The following GALNT12 variants were observed in gnomAD, a reference collection of about 807,000 sequenced individuals.
The protein encoded by GALNT12 is UDP-GalNAc:polypeptide N-acetylgalactosaminyltransferase 12.
Under a neutral mutation model 55.5 loss-of-function variants are expected in GALNT12, and 45 were observed. The observed-to-expected ratio is 0.81, with a 90% CI of 0.64 to 1.04. The LOEUF is 1.04. GALNT12 is among the 50% of genes least tolerant of loss of function. GALNT12 has a pLI of 0.00. For missense variants in GALNT12, 709 were observed against 754.8 expected, an observed-to-expected ratio of 0.94 and a Z score of 0.71; for synonymous variants, 304 against 312.2, an observed-to-expected ratio of 0.97 and a Z score of 0.28.
Position 98,807,692 on chromosome 9 carries a change from C to T in GALNT12, c.-7C>T, listed in dbSNP as rs1358562336. 10 of 1,134,972 alleles carry T rather than the reference C, an allele frequency of 8.8e-6. No homozygotes were observed. Among genetic ancestry groups the T allele is most frequent in the South Asian group, 3.5e-5 (1 of 28,214 alleles). 70.3% of individuals were successfully genotyped at this position (1,134,972 alleles called of 1,614,324 possible). On this transcript the variant is annotated 5_prime_UTR_variant, in exon 1 of 10. Coordinates refer to ENST00000375011, the MANE Select transcript of GALNT12 (RefSeq NM_024642.5). ...CGCGCAGATCGCTGGCTGCAGTTGGCGGGCGCATGTGGGGGCGCACGGCGC... is the reference window on the plus strand; with the variant it reads ...CGCGCAGATCGCTGGCTGCAGTTGGTGGGCGCATGTGGGGGCGCACGGCGC...
rs544327578 is a variant in GALNT12 at position 98,819,875 on chromosome 9, G to A, written c.372-3381G>A. Among the ~76,000 whole-genome samples, 4 of 152,304 alleles carry A rather than the reference G, an allele frequency of 2.6e-5. No homozygotes were observed. The East Asian group carries it at 7.7e-4, about 29-fold the overall frequency. On this transcript the variant is annotated intron_variant, in intron 1 of 9. Coordinates refer to ENST00000375011, the MANE Select transcript of GALNT12 (RefSeq NM_024642.5). ...ATCTCAGCCCAGTACATACTAGCAGGTGCTCTGTGAACTGACCAAGTCACT... is the reference window on the plus strand; with the variant it reads ...ATCTCAGCCCAGTACATACTAGCAGATGCTCTGTGAACTGACCAAGTCACT...
At chr9:98,844,564 C>G (rs185644549) in intron 8 of GALNT12, 14 of 287,246 alleles carry the variant, frequency 4.9e-5, no homozygotes, top group Middle Eastern at 2.5e-3. Flanking sequence ...GTTTCGTTAA[C>G]TGGTTCCCTG....
intron 2 of GALNT12, among the ~76,000 whole-genome samples, chr9:98,824,264 C>G (rs1835812008): frequency 6.6e-6 from 1 of 152,116 alleles, no homozygotes; most frequent in Non-Finnish European, 1.5e-5. Context: ...TGTGGTGGCT[C>G]CTTGGTGGAT....
In GALNT12 at chr9:98,848,760, G is replaced by A. The variant is rs1298864317; in HGVS notation, c.1606-192G>A. The A allele has an allele frequency of 2.9e-5, 19 of 661,394 alleles. No homozygotes were observed. The East Asian group carries it at 3.6e-4, about 13-fold the overall frequency. 41.0% of individuals were successfully genotyped at this position (661,394 alleles called of 1,614,324 possible). ...ACCATCGGTCCTGTGAGAGGCAAGCGGGACGCAGCCTGTACAAGCCTGGTG... is the reference window on the plus strand; with the variant it reads ...ACCATCGGTCCTGTGAGAGGCAAGCAGGACGCAGCCTGTACAAGCCTGGTG... On this transcript the variant is annotated intron_variant, in intron 9 of 9. Coordinates refer to ENST00000375011, the MANE Select transcript of GALNT12 (RefSeq NM_024642.5).
In GALNT12 at chr9:98,807,876, C is replaced by T. The variant is rs992673909; in HGVS notation, c.178C>T (p.Arg60Trp). ...PGPPRTPRPG[R>W]REPVMPRPPV... is the part of the protein sequence containing the mutation. ...ACCCCCGCGCACCCCGCGCCCCGGG[C>T]GGCGCGAGCCGGTCATGCCGCGGCC... The change falls in exon 1 of 10, where the codon CGG becomes TGG. Residue 60 changes from arginine to tryptophan, a missense_variant. Transcript: ENST00000375011. 9.6e-7 allele frequency: 1 copy of T among 1,040,588 alleles called. No individual in the cohort carries two copies. The highest frequency in any genetic ancestry group is 7.7e-5 in the East Asian group (1 of 12,990). 64.5% of individuals were successfully genotyped at this position (1,040,588 alleles called of 1,614,324 possible). A position where few individuals can be genotyped will look rare whatever the true frequency, so the allele number is the denominator to read the frequency against.
intron 9 of GALNT12, among the ~76,000 whole-genome samples, chr9:98,848,178 G>A (rs1189138407): frequency 6.6e-6 from 1 of 152,136 alleles, no homozygotes; most frequent in Non-Finnish European, 1.5e-5. Flanking sequence ...TACAAAACAT[G>A]AGTTTGGATT....
In GALNT12 at chr9:98,835,306, G is replaced by T; in HGVS notation, c.975G>T (p.Leu325=). The T allele has an allele frequency of 1.9e-6, 3 of 1,614,060 alleles. No individual in the cohort carries two copies. Residue 325 remains leucine (L), a synonymous_variant, in exon 5 of 10, where the codon CTG becomes CTT. Transcript: ENST00000375011. ...TGAGTAAGAAATATTTTGAATATCT[G>T]GGGTCTTATGATACAGGAATGGAAG... The part of the protein sequence containing the change: ...FAVSKKYFEY[L]GSYDTGMEVW...
chr9:98,837,617 A>G (rs985586170), intron 6 of GALNT12, among the ~76,000 whole-genome samples: 2 of 152,202 alleles, frequency 1.3e-5, no homozygotes, highest in African/African-American at 2.4e-5. Context: ...ACCTTCTTGC[A>G]TTTAGGAACA....
In GALNT12 at chr9:98,813,920, A is replaced by T. The variant is rs74339243; in HGVS notation, c.371+5851A>T. Among the ~76,000 whole-genome samples, 933 of 152,328 alleles carry T rather than the reference A, an allele frequency of 6.1e-3. 7 individuals carry two copies. The highest frequency in any genetic ancestry group is 0.021 in the African/African-American group (870 of 41,564). ...AGTAGAAGTCCTATATTCACTTTTT[A>T]AAAATAATTATTTTCTACACTAGAC... is the stretch of plus-strand genomic sequence containing the variant. On this transcript the variant is annotated intron_variant, in intron 1 of 9. Transcript: ENST00000375011.
chr9:98,808,399 G>A (rs1002207053), intron 1 of GALNT12, among the ~76,000 whole-genome samples: 1 of 152,122 alleles, frequency 6.6e-6, no homozygotes, highest in Non-Finnish European at 1.5e-5. Flanking sequence ...GCACCCAAAG[G>A]ACAACCCCGC....
rs1186370119 is a variant in GALNT12, at chr9:98,807,702, TG to T, written c.9del (p.Arg4AlafsTer139). The T allele has an allele frequency of 1.7e-6, 2 of 1,149,560 alleles. No individual in the cohort carries two copies. Among genetic ancestry groups the T allele is most frequent in the South Asian group, 3.3e-5 (1 of 30,300 alleles). 71.2% of individuals were successfully genotyped at this position (1,149,560 alleles called of 1,614,324 possible). On this transcript the variant is annotated frameshift_variant, in exon 1 of 10. Transcript: ENST00000375011. LOFTEE classifies it high-confidence loss of function. ...GCTGGCTGCAGTTGGCGGGCGCATG[TG>T]GGGGCGCACGGCGCGGCGGCGCTGC... MWGRTARRRCPR... is the reference protein window; with the variant it reads MXGRTARRRCPR...
In GALNT12 at chr9:98,826,819, C is replaced by A. The variant is rs370024536; in HGVS notation, c.609C>A (p.Asn203Lys). 52 of 1,612,078 alleles carry A rather than the reference C, an allele frequency of 3.2e-5. 2 individuals are homozygous for A. In the South Asian group the frequency reaches 3.5e-4, roughly 11 times the overall value. ...GLPKVRLIRA[N>K]KREGLVRARL... ...CCAAGGTGCGCCTGATCCGCGCCAACAAGAGAGAGGGCCTGGTGCGAGCCC... is the reference window on the plus strand; with the variant it reads ...CCAAGGTGCGCCTGATCCGCGCCAAAAAGAGAGAGGGCCTGGTGCGAGCCC... The change falls in exon 3 of 10, where the codon AAC becomes AAA. Residue 203 changes from asparagine (N) to lysine (K), a missense_variant. By Grantham distance (94) the Asn-to-Lys change is moderately conservative (BLOSUM62 0). Around this residue, in one of 5 missense-constraint regions of GALNT12, gnomAD observed 315 missense variants for 288.6 expected, o/e 1.09. Transcript: ENST00000375011.
intron 2 of GALNT12, 70 bp from the exon 3 acceptor site, chr9:98,826,681 GC>G: frequency 6.8e-7 from 1 of 1,470,318 alleles, no homozygotes. Flanking sequence ...GGCCCAGAAG[GC>G]CCCGGGTTGG....
At chr9:98,831,496 C>T (rs1438897012) in intron 3 of GALNT12, among the ~76,000 whole-genome samples, 3 of 152,130 alleles carry the variant, frequency 2.0e-5, no homozygotes, top group Non-Finnish European at 4.4e-5. Context: ...AATCATAGAG[C>T]GTTTGGTCAG....
At chr9:98,827,751 G>A (rs979702997) in intron 3 of GALNT12, among the ~76,000 whole-genome samples, 1 of 152,126 alleles carries the variant, frequency 6.6e-6, no homozygotes, top group Admixed American at 6.5e-5. Flanking sequence ...AATGAATCTA[G>A]CATGGATTGT....
At chr9:98,848,771 T>C in intron 9 of GALNT12, 181 bp from the exon 10 acceptor site, 3 of 700,728 alleles carry the variant, frequency 4.3e-6, no homozygotes, top group Non-Finnish European at 4.9e-6. Context: ...GGACGCAGCC[T>C]GTACAAGCCT....
At chr9:98,837,661 A>G (rs1836188376) in intron 6 of GALNT12, among the ~76,000 whole-genome samples, 1 of 152,172 alleles carries the variant, frequency 6.6e-6, no homozygotes, top group Non-Finnish European at 1.5e-5. Context: ...ACTGGGGGAC[A>G]TTCTAGAATA....
At chr9:98,831,518 A>G (rs113485728) in intron 3 of GALNT12, among the ~76,000 whole-genome samples, 18 of 152,338 alleles carry the variant, frequency 1.2e-4, no homozygotes, top group African/African-American at 4.3e-4. Flanking sequence ...ATGTCCATGG[A>G]TAGAATCAGA....
At chr9:98,823,586 T>C (rs1835795641) in intron 2 of GALNT12, among the ~76,000 whole-genome samples, 161 bp downstream of exon 2, 1 of 152,136 alleles carries the variant, frequency 6.6e-6, no homozygotes, top group South Asian at 2.1e-4. Flanking sequence ...CCAGAAACAG[T>C]AGGCGTGGGA....
Sources: gnomAD v4.1 joint callset for allele counts (sites outside exome capture counted in the v4.1 genomes callset) on GRCh38, gnomAD v4.1.1 for gene constraint, gnomAD v4.1.1 regional missense constraint, MANE v1.5 for transcripts, NCBI Gene and HGNC (gene_info 2026-07-23, HGNC 2026-07-21) for gene names.